CALHM3: variants seen among roughly 807,000 people sequenced by gnomAD.
CALHM3 encodes the protein calcium homeostasis modulator protein 3.
Under a neutral mutation model 13.6 loss-of-function variants are expected in CALHM3, and 9 were observed. The observed-to-expected ratio is 0.66, with a 90% CI of 0.40 to 1.15. CALHM3 has a LOEUF of 1.15. Among genes scored for constraint, CALHM3 ranks in the 50% most tolerant of loss-of-function variants. The probability of loss-of-function intolerance (pLI) is 0.01; values close to 1 mark genes in which losing one functional copy is unlikely to be tolerated. For missense variants in CALHM3, 497 were observed against 463.4 expected (o/e 1.07, Z -0.67); for synonymous variants, 231 against 213.2 (o/e 1.08, Z -0.73).
chr10:103,472,990 C>T lies in CALHM3; in HGVS notation c.*223G>A, dbSNP rs1438930924. ...TCGGTCCTGGCTACACTGTCTGAAC[C>T]TGTATTTAACAAGGCCCTCGGTGAA... On this transcript the variant is annotated 3_prime_UTR_variant, in exon 3 of 3. Transcript: ENST00000369783. The T allele has an allele frequency of 7.1e-6, 3 of 419,668 alleles. No homozygotes were observed. Among genetic ancestry groups the T allele is most frequent in the African/African-American group, 6.1e-5 (3 of 48,918 alleles). 26.0% of individuals were successfully genotyped at this position (419,668 alleles called of 1,614,324 possible). A position where few individuals can be genotyped will look rare whatever the true frequency, so the allele number is the denominator to read the frequency against.
At position 103,473,743 on chromosome 10, in the gene CALHM3, G is replaced by A. The variant is rs79220939; in HGVS notation, c.544-39C>T. ...AGGCCCGAGGTTAGATGTGAGTGGGGCCTAATCCTATATACATATGTATTT... is the reference window on the plus strand; with the variant it reads ...AGGCCCGAGGTTAGATGTGAGTGGGACCTAATCCTATATACATATGTATTT... On this transcript the variant is annotated intron_variant, in intron 2 of 2. Coordinates refer to ENST00000369783, the MANE Select transcript of CALHM3 (RefSeq NM_001129742.2). 1.3e-3 allele frequency: 2,003 copies of A among 1,506,360 alleles called. 65 individuals carry two copies. The East Asian group carries it at 0.042, about 32-fold the overall frequency. 93.3% of individuals were successfully genotyped at this position (1,506,360 alleles called of 1,614,324 possible). A position where few individuals can be genotyped will look rare whatever the true frequency, so the allele number is the denominator to read the frequency against.
rs868709631 is a variant in CALHM3 at position 103,473,227 on chromosome 10, G to C, written c.1021C>G (p.His341Asp). Residue 341 changes from histidine to aspartate, a missense_variant, in exon 3 of 3, where the codon CAC becomes GAC. Physicochemically the swap from His to Asp is moderately conservative, Grantham distance 81 (BLOSUM62 -1). Transcript: ENST00000369783. ...TGGCCAGGACCCTACACGTCGGTGTGTTGTGACAGCCTCGTGCCCAGTGCC... is the reference window on the plus strand; with the variant it reads ...TGGCCAGGACCCTACACGTCGGTGTCTTGTGACAGCCTCGTGCCCAGTGCC... Reference protein sequence around the residue: ...TLALGTRLSQHTDV With the variant: ...TLALGTRLSQDTDV The C allele has an allele frequency of 9.8e-6, 14 of 1,431,582 alleles. No individual in the cohort carries two copies. The Middle Eastern group carries it at 2.0e-3, about 206-fold the overall frequency. 88.7% of individuals were successfully genotyped at this position (1,431,582 alleles called of 1,614,324 possible). A position where few individuals can be genotyped will look rare whatever the true frequency, so the allele number is the denominator to read the frequency against.
At chr10:103,477,085 C>T (rs1485724615) in intron 1 of CALHM3, among the ~76,000 whole-genome samples, 1 of 152,140 alleles carries the variant, frequency 6.6e-6, no homozygotes, top group Non-Finnish European at 1.5e-5. Flanking sequence ...AGGATTAAGC[C>T]CCAGTTGCCC....
In CALHM3 at chr10:103,476,542, A is replaced by ACATGTACCTGG. The variant is rs763006695; in HGVS notation, c.288-4_294dup (p.Cys99ProfsTer49). 6.4e-7 allele frequency: 1 copy of ACATGTACCTGG among 1,551,390 alleles called. No homozygotes were observed. Among genetic ancestry groups the ACATGTACCTGG allele is most frequent in the South Asian group, 1.2e-5 (1 of 84,062 alleles). ...AGCGCCCTCTGCAGCACAGAGGAGC[A>ACATGTACCTGG]CATGTACCTGGCAGCAGAGGAAGGA... On this transcript the variant is annotated frameshift_variant, in exon 2 of 3. Transcript: ENST00000369783. LOFTEE classifies it high-confidence loss of function.
At chr10:103,476,083 T>G (rs1446638199) in intron 2 of CALHM3, among the ~76,000 whole-genome samples, 1 of 152,168 alleles carries the variant, frequency 6.6e-6, no homozygotes, top group East Asian at 1.9e-4. Flanking sequence ...AAATGCTCAA[T>G]AAGTGGAGAT....
At position 103,478,835 on chromosome 10, in the gene CALHM3, G is replaced by A. The variant is rs188514035; in HGVS notation, c.198C>T (p.Cys66=). The A allele has an allele frequency of 6.6e-4, 1,028 of 1,551,612 alleles. 4 individuals carry two copies. In the African/African-American group the frequency reaches 0.012, roughly 19 times the overall value. ...LLTPPLALFL[C]GLLANRQSVV... Reference sequence around the variant, plus strand: ...CAGACTGCCGGTTGGCGAGGAGGCCGCAGAGAAACAGGGCGAGCGGGGGCG... The same window carrying A: ...CAGACTGCCGGTTGGCGAGGAGGCCACAGAGAAACAGGGCGAGCGGGGGCG... Residue 66 remains cysteine, a synonymous_variant, in exon 1 of 3, where the codon TGC becomes TGT. Transcript: ENST00000369783.
In CALHM3 at chr10:103,473,333, C is replaced by G; in HGVS notation, c.915G>C (p.Trp305Cys). The G allele has an allele frequency of 1.3e-6, 2 of 1,502,154 alleles. No homozygotes were observed. The highest frequency in any genetic ancestry group is 1.3e-5 in the South Asian group (1 of 76,456). 93.1% of individuals were successfully genotyped at this position (1,502,154 alleles called of 1,614,324 possible). ...REQVDRLLST[W>C]YSSKPPLDLA... ...GGTCCAGCGGCGGCTTGCTGGAGTA[C>G]CACGTGCTTAGGAGGCGGTCCACCT... Residue 305 changes from tryptophan to cysteine, a missense_variant, in exon 3 of 3, where the codon TGG (tryptophan) becomes TGC (cysteine). By Grantham distance (215) the Trp-to-Cys change is radical. Transcript: ENST00000369783.
At chr10:103,474,710 C>T (rs911936139) in intron 2 of CALHM3, among the ~76,000 whole-genome samples, 1 of 152,208 alleles carries the variant, frequency 6.6e-6, no homozygotes, top group African/African-American at 2.4e-5. Context: ...CCGCCTCGGC[C>T]TCCCAAAGTG....
rs1225476704 is a variant in CALHM3 at position 103,473,241 on chromosome 10, G to C, written c.1007C>G (p.Thr336Arg). 3 of 1,438,468 alleles carry C rather than the reference G, an allele frequency of 2.1e-6. No individual in the cohort carries two copies. The highest frequency in any genetic ancestry group is 2.7e-6 in the Non-Finnish European group (3 of 1,093,024). The allele number at this position is 1,438,468 out of a possible 1,614,324, so 89.1% of individuals were successfully genotyped here. A position where few individuals can be genotyped will look rare whatever the true frequency, so the allele number is the denominator to read the frequency against. The stretch of plus-strand genomic sequence containing the variant: ...CACGTCGGTGTGTTGTGACAGCCTC[G>C]TGCCCAGTGCCAAGGTAGGGGCGCG... ...SHRAPTLALG[T>R]RLSQHTDV Residue 336 changes from threonine (T) to arginine (R), a missense_variant, in exon 3 of 3, where the codon ACG becomes AGG. Thr to Arg is a moderately conservative substitution (Grantham distance 71, BLOSUM62 -1). Transcript: ENST00000369783.
At chr10:103,475,040 G>T (rs568862268) in intron 2 of CALHM3, among the ~76,000 whole-genome samples, 4 of 152,264 alleles carry the variant, frequency 2.6e-5, no homozygotes, top group Admixed American at 2.6e-4. Flanking sequence ...TATGAACAGG[G>T]GACAGTGTTC....
At position 103,479,183 on chromosome 10, in the gene CALHM3, T is replaced by G. The variant is rs1023800901; in HGVS notation, c.-151A>C. Reference sequence around the variant, plus strand: ...GCCTGAGGGGCCAAGGAGGAAGCAGTGCCCAGGCCCCAGCCCAGGCTCCCG... The same window carrying G: ...GCCTGAGGGGCCAAGGAGGAAGCAGGGCCCAGGCCCCAGCCCAGGCTCCCG... On this transcript the variant is annotated 5_prime_UTR_variant, in exon 1 of 3. Transcript: ENST00000369783. The G allele has an allele frequency of 4.6e-6, 4 of 875,530 alleles. No individual in the cohort carries two copies. The highest frequency in any genetic ancestry group is 6.8e-6 in the Non-Finnish European group (4 of 590,770). The allele number at this position is 875,530 out of a possible 1,614,324, so 54.2% of individuals were successfully genotyped here. A position where few individuals can be genotyped will look rare whatever the true frequency, so the allele number is the denominator to read the frequency against.
In CALHM3 at chr10:103,478,826, G is replaced by C. The variant is rs1038418256; in HGVS notation, c.207C>G (p.Leu69=). 8.4e-6 allele frequency: 13 copies of C among 1,551,450 alleles called. No homozygotes were observed. The highest frequency in any genetic ancestry group is 1.1e-5 in the Non-Finnish European group (13 of 1,147,006). The change falls in exon 1 of 3, where the codon CTC becomes CTG. Residue 69 remains leucine, a synonymous_variant. Coordinates refer to ENST00000369783, the MANE Select transcript of CALHM3 (RefSeq NM_001129742.2). ...PPLALFLCGL[L]ANRQSVVMVE... ...CCATCACCACAGACTGCCGGTTGGC[G>C]AGGAGGCCGCAGAGAAACAGGGCGA... is the stretch of plus-strand genomic sequence containing the variant.
At position 103,476,426 on chromosome 10, in the gene CALHM3, A is replaced by C; in HGVS notation, c.411T>G (p.Phe137Leu). The C allele has an allele frequency of 6.4e-7, 1 of 1,551,736 alleles. No individual in the cohort carries two copies. The highest frequency in any genetic ancestry group is 2.4e-5 in the East Asian group (1 of 40,912). ...TGGGGGTCATGTTGGCAAAGTCCAG[A>C]AACTTCTCAGGGTCCACAGAGCTGC... is the stretch of plus-strand genomic sequence containing the variant. ...AFSSSVDPEK[F>L]LDFANMTPSQ... The change falls in exon 2 of 3, where the codon TTT (phenylalanine) becomes TTG (leucine). Residue 137 changes from phenylalanine (F) to leucine (L), a missense_variant. Transcript: ENST00000369783.
At chr10:103,475,264 C>T (rs1432130021) in intron 2 of CALHM3, among the ~76,000 whole-genome samples, 6 of 152,172 alleles carry the variant, frequency 3.9e-5, no homozygotes, top group South Asian at 2.1e-4. Flanking sequence ...GTGATTTCCA[C>T]GATTTATAAA....
Position 103,473,473 on chromosome 10 carries a change from GC to G in CALHM3, c.774del (p.Leu259CysfsTer44). 2 of 1,547,252 alleles carry G rather than the reference GC, an allele frequency of 1.3e-6. No individual in the cohort carries two copies. Among genetic ancestry groups the G allele is most frequent in the Non-Finnish European group, 1.7e-6 (2 of 1,145,052 alleles). On this transcript the variant is annotated frameshift_variant, in exon 3 of 3. Coordinates refer to ENST00000369783, the MANE Select transcript of CALHM3 (RefSeq NM_001129742.2). LOFTEE classifies it low-confidence loss of function (END_TRUNC). ...CTCCTGCCTGCATTGCCCCGGCGCAGCCCCCGCGCCTGCAGCTCACTCCGCA... is the reference window on the plus strand; with the variant it reads ...CTCCTGCCTGCATTGCCCCGGCGCAGCCCCGCGCCTGCAGCTCACTCCGCA... ...ASMRSELQAR[G>X]LRRGNAGRRL...
chr10:103,477,523 C>T (rs1284925581), intron 1 of CALHM3, among the ~76,000 whole-genome samples: 1 of 152,150 alleles, frequency 6.6e-6, no homozygotes, highest in Non-Finnish European at 1.5e-5. Context: ...CATGGCCTAC[C>T]CAGTGTGAGC....
Position 103,479,115 on chromosome 10 carries a change from A to T in CALHM3, c.-83T>A. The T allele has an allele frequency of 6.3e-6, 9 of 1,421,802 alleles. No individual in the cohort carries two copies. The highest frequency in any genetic ancestry group is 8.5e-6 in the Non-Finnish European group (9 of 1,058,778). 88.1% of individuals were successfully genotyped at this position (1,421,802 alleles called of 1,614,324 possible). ...CTTCCTGGTGTCTGCTGTGCTGGGG[A>T]CGAGCCTGGGATCTGCAAGAGGTTC... On this transcript the variant is annotated 5_prime_UTR_variant, in exon 1 of 3. Transcript: ENST00000369783.
chr10:103,476,464 C>G lies in CALHM3; in HGVS notation c.373G>C (p.Val125Leu). Reference sequence around the variant, plus strand: ...TCCACAGAGCTGCTGAAGGCACACACGAAGCACTTCCCGTCAAGGAGGGCC... The same window carrying G: ...TCCACAGAGCTGCTGAAGGCACACAGGAAGCACTTCCCGTCAAGGAGGGCC... ...LLALLDGKCFVCAFSSSVDPE... is the reference protein window; with the variant it reads ...LLALLDGKCFLCAFSSSVDPE... The change falls in exon 2 of 3, where the codon GTG becomes CTG. Residue 125 changes from valine to leucine, a missense_variant. Physicochemically the swap from Val to Leu is conservative, Grantham distance 32. Transcript: ENST00000369783. 2 of 1,551,684 alleles carry G rather than the reference C, an allele frequency of 1.3e-6. No homozygotes were observed. Among genetic ancestry groups the G allele is most frequent in the Non-Finnish European group, 1.7e-6 (2 of 1,146,998 alleles).
chr10:103,475,207 C>A (rs1440714056), intron 2 of CALHM3, among the ~76,000 whole-genome samples: 5 of 152,190 alleles, frequency 3.3e-5, no homozygotes, highest in Non-Finnish European at 7.3e-5. Flanking sequence ...AGGGAAGTCA[C>A]GTCTCTAAAC....
Sources: gnomAD v4.1 joint callset for allele counts (sites outside exome capture counted in the v4.1 genomes callset) on GRCh38, gnomAD v4.1.1 for gene constraint, MANE v1.5 for transcripts, NCBI Gene and HGNC (gene_info 2026-07-23, HGNC 2026-07-21) for gene names.